PARD3B: variants seen among roughly 807,000 people sequenced by gnomAD.
PARD3B encodes the protein partitioning defective 3 homolog B.
PARD3B carries 103 observed loss-of-function variants against 130.2 expected under a neutral mutation model. That is an observed-to-expected ratio of 0.79 (90% CI 0.67 to 0.93). PARD3B has a LOEUF of 0.93. Ranked by LOEUF, PARD3B falls within the 40% of genes least tolerant of loss-of-function variation. The pLI, the probability that PARD3B is intolerant of heterozygous loss-of-function variation, is 0.00. For missense variants in PARD3B, 1,609 were observed against 1,499.2 expected (o/e 1.07, Z -1.21); for synonymous variants, 583 against 553.2 (o/e 1.05, Z -0.76).
chr2:204,765,307 T>G (rs2125416725), intron 2 of PARD3B, among the ~76,000 whole-genome samples: 1 of 152,254 alleles, frequency 6.6e-6, no homozygotes, highest in South Asian at 2.1e-4. Flanking sequence ...GAGGCCACAG[T>G]CTGAGTTTTA....
At chr2:205,156,272 G>GGT (rs1491554550) in intron 10 of PARD3B, among the ~76,000 whole-genome samples, 3 of 11,722 alleles carry the variant, frequency 2.6e-4, no homozygotes, top group Admixed American at 1.4e-3. Flanking sequence ...TGGGGTGGGC[G>GGT]GGGGGGGGAG....
chr2:205,203,183 C>G (rs917139195), intron 15 of PARD3B, among the ~76,000 whole-genome samples: 2 of 152,244 alleles, frequency 1.3e-5, no homozygotes, highest in African/African-American at 2.4e-5. Context: ...AACAAACCCA[C>G]GCAGATTTTT....
At chr2:205,490,765 C>T (rs1383153440) in intron 20 of PARD3B, among the ~76,000 whole-genome samples, 1 of 152,182 alleles carries the variant, frequency 6.6e-6, no homozygotes, top group African/African-American at 2.4e-5. Context: ...ACATCCTCTC[C>T]AGCACCTGTT....
intron 18 of PARD3B, among the ~76,000 whole-genome samples, chr2:205,323,098 GGAGGGGT>G (rs750139148): frequency 1.3e-5 from 2 of 150,666 alleles, no homozygotes; most frequent in Non-Finnish European, 3.0e-5. Flanking sequence ...TTTAGTAGAG[GGAGGGGT>G]TCATCTTGTT....
At chr2:204,802,673 G>A (rs1449208561) in intron 2 of PARD3B, among the ~76,000 whole-genome samples, 1 of 152,124 alleles carries the variant, frequency 6.6e-6, no homozygotes, top group Non-Finnish European at 1.5e-5. Flanking sequence ...AAAAAAGGAT[G>A]AGTTCATGTC....
Position 205,440,518 on chromosome 2 carries a change from A to G in PARD3B, c.2890A>G (p.Thr964Ala), listed in dbSNP as rs553518759. 122 of 1,614,076 alleles carry G rather than the reference A, an allele frequency of 7.6e-5. 3 individuals are homozygous for G. The South Asian group carries it at 1.3e-3, about 18-fold the overall frequency. ...ARVNHFREPCTSANVFRSPSP... is the reference protein window; with the variant it reads ...ARVNHFREPCASANVFRSPSP... ...AGTGAACCACTTTCGGGAACCATGC[A>G]CATCAGCAAATGTCTTTAGATCTCC... The change falls in exon 20 of 23, where the codon ACA becomes GCA. Residue 964 changes from threonine to alanine, a missense_variant. Thr to Ala is a moderately conservative substitution (Grantham distance 58). Coordinates refer to ENST00000406610, the MANE Select transcript of PARD3B (RefSeq NM_001302769.2). This position sits in a 1 kb window ranked among gnomAD's most constrained non-coding sequence, Gnocchi z 4.2.
At chr2:204,561,380 C>T (rs576454166) in intron 1 of PARD3B, among the ~76,000 whole-genome samples, 8 of 152,262 alleles carry the variant, frequency 5.3e-5, no homozygotes, top group South Asian at 2.1e-4. Flanking sequence ...CCTCCGGACC[C>T]GCTCTTGTCC....
intron 1 of PARD3B, among the ~76,000 whole-genome samples, chr2:204,595,723 G>A (rs540835892): frequency 6.6e-6 from 1 of 152,222 alleles, no homozygotes; most frequent in Admixed American, 6.5e-5. Flanking sequence ...ATTTTGTAAA[G>A]CTGCATGTAT....
At chr2:204,721,256 G>A (rs892404106) in intron 2 of PARD3B, among the ~76,000 whole-genome samples, 1 of 152,070 alleles carries the variant, frequency 6.6e-6, no homozygotes, top group African/African-American at 2.4e-5. Context: ...AATTATTTAC[G>A]GCACTTGGTA....
chr2:204,984,700 G>A (rs1692977752), intron 3 of PARD3B, among the ~76,000 whole-genome samples: 1 of 152,032 alleles, frequency 6.6e-6, no homozygotes, highest in African/African-American at 2.4e-5. Context: ...GTCATGGTTA[G>A]GAGGAGAAGG....
intron 20 of PARD3B, among the ~76,000 whole-genome samples, chr2:205,443,928 C>T (rs1307756172): frequency 3.3e-5 from 5 of 152,112 alleles, no homozygotes; most frequent in Non-Finnish European, 7.4e-5. Flanking sequence ...CACTTGAGGC[C>T]AGGAGTTGGA....
At chr2:204,764,428 G>T in intron 2 of PARD3B, among the ~76,000 whole-genome samples, 1 of 152,042 alleles carries the variant, frequency 6.6e-6, no homozygotes, top group East Asian at 1.9e-4. Flanking sequence ...AAGTTCCCCC[G>T]TGCAAATTCC....
intron 10 of PARD3B, among the ~76,000 whole-genome samples, chr2:205,157,514 C>T (rs1243315387): frequency 3.9e-5 from 6 of 152,090 alleles, no homozygotes; most frequent in Non-Finnish European, 8.8e-5. Context: ...GTTGAAAATG[C>T]CGCGTCAATG....
At chr2:204,957,332 A>G (rs757498281) in intron 2 of PARD3B, among the ~76,000 whole-genome samples, 4 of 152,202 alleles carry the variant, frequency 2.6e-5, no homozygotes, top group Non-Finnish European at 4.4e-5. Context: ...GGATAATTCA[A>G]GCAGATGCAT....
At chr2:205,238,912 A>ATGTGTATATATATATATATATGTATG (rs2039224987) in intron 15 of PARD3B, among the ~76,000 whole-genome samples, 7 of 115,158 alleles carry the variant, frequency 6.1e-5, no homozygotes, top group African/African-American at 2.4e-4. Context: ...ATATATATGT[A>ATGTGTATATATATATATATATGTATG]TGTGTATATA....
At chr2:205,444,984 A>T (rs2047856184) in intron 20 of PARD3B, among the ~76,000 whole-genome samples, 2 of 152,174 alleles carry the variant, frequency 1.3e-5, no homozygotes, top group Non-Finnish European at 2.9e-5. Context: ...AGAATTGATT[A>T]AGAGGTGAGA....
intron 2 of PARD3B, among the ~76,000 whole-genome samples, chr2:204,690,503 G>T (rs1264617978): frequency 1.3e-5 from 2 of 152,096 alleles, no homozygotes; most frequent in African/African-American, 2.4e-5. Flanking sequence ...AGAGATAAAT[G>T]TGAGAAAGAC....
At chr2:205,019,818 G>A (rs1031254075) in intron 3 of PARD3B, among the ~76,000 whole-genome samples, 3 of 152,170 alleles carry the variant, frequency 2.0e-5, no homozygotes, top group African/African-American at 7.2e-5. Flanking sequence ...AGATATTAGG[G>A]ATGGAAACAT....
At chr2:205,051,712 T>A (rs555306343) in intron 4 of PARD3B, among the ~76,000 whole-genome samples, 1 of 152,334 alleles carries the variant, frequency 6.6e-6, no homozygotes, top group South Asian at 2.1e-4. Context: ...TTATTTAAGA[T>A]GTACACTCTC....
Sources: allele counts gnomAD v4.1 joint callset (sites outside exome capture counted in the v4.1 genomes callset), GRCh38; gene constraint gnomAD v4.1.1; non-coding constraint Gnocchi (gnomAD v3.1); transcripts MANE v1.5; gene names NCBI Gene and HGNC (gene_info 2026-07-23, HGNC 2026-07-21).